AUH: variants seen among roughly 807,000 people sequenced by gnomAD.
AUH encodes AU RNA binding methylglutaconyl-CoA hydratase.
AUH carries 29 observed loss-of-function variants against 42.3 expected under a neutral mutation model. That is an observed-to-expected ratio of 0.69 (90% confidence interval 0.51 to 0.93). AUH has a LOEUF of 0.93. Ranked by LOEUF, AUH falls within the 40% of genes least tolerant of loss-of-function variation. The pLI is 0.00. For missense variants in AUH, 452 were observed against 438.1 expected, an observed-to-expected ratio of 1.03 and a Z score of -0.28; for synonymous variants, 174 against 166.4, an observed-to-expected ratio of 1.05 and a Z score of -0.35.
intron 4 of AUH, among the ~76,000 whole-genome samples, chr9:91,321,667 C>T (rs1459101312): frequency 6.6e-6 from 1 of 152,140 alleles, no homozygotes; most frequent in African/African-American, 2.4e-5. Flanking sequence ...AAAGAAAAAT[C>T]AGACCCACTG....
At chr9:91,249,292 CAAAAAAAAAAAAAAAA>C (rs59102669) in intron 6 of AUH, among the ~76,000 whole-genome samples, 31 of 32,536 alleles carry the variant, frequency 9.5e-4, no homozygotes, top group East Asian at 2.3e-3. Flanking sequence ...GAACCTGTCT[CAAAAAAAAAAAAAAAA>C]AAAAAAAAAA....
rs770833711 is a variant in AUH, at chr9:91,356,164, A to C, written c.263-9T>G. The C allele has an allele frequency of 1.2e-6, 2 of 1,612,866 alleles. No individual in the cohort carries two copies. Among genetic ancestry groups the C allele is most frequent in the South Asian group, 2.2e-5 (2 of 91,018 alleles). On this transcript the variant is annotated splice_polypyrimidine_tract_variant and intron_variant, in intron 1 of 9. Transcript: ENST00000375731. The stretch of plus-strand genomic sequence containing the variant: ...TCCAAGCACCACAATTCCTAGTTAA[A>C]GGGGAAAAAAAGTACAAGCACTTGA...
intron 1 of AUH, among the ~76,000 whole-genome samples, chr9:91,359,332 T>C (rs1832676921): frequency 6.6e-6 from 1 of 152,248 alleles, no homozygotes; most frequent in South Asian, 2.1e-4. Flanking sequence ...TAATGTAACC[T>C]TCCAGAAAAT....
intron 3 of AUH, among the ~76,000 whole-genome samples, chr9:91,355,478 A>C (rs1421054522): frequency 6.6e-6 from 1 of 152,062 alleles, no homozygotes; most frequent in Non-Finnish European, 1.5e-5. Flanking sequence ...AATCACTTGA[A>C]CTGGGGAGAC....
chr9:91,295,113 G>A (rs891083446), intron 6 of AUH, among the ~76,000 whole-genome samples: 13 of 152,010 alleles, frequency 8.6e-5, no homozygotes, highest in African/African-American at 3.1e-4. Flanking sequence ...TTTTCCCTTG[G>A]CTTTCATTCT....
chr9:91,296,066 T>C lies in AUH; in HGVS notation c.610A>G (p.Lys204Glu), dbSNP rs368508449. Reference sequence around the variant, plus strand: ...AATTTTGTTTCAACCAGGCCCATTTTTGCAGAGGAAGCTAAAACGAAAGAA... The same window carrying C: ...AATTTTGTTTCAACCAGGCCCATTTCTGCAGAGGAAGCTAAAACGAAAGAA... ...CDIRVAASSA[K>E]MGLVETKLAI... Residue 204 changes from lysine (K) to glutamate (E), a missense_variant, in exon 6 of 10, where the codon AAA becomes GAA. Transcript: ENST00000375731. The C allele has an allele frequency of 1.2e-6, 2 of 1,613,964 alleles. No individual in the cohort carries two copies. Among genetic ancestry groups the C allele is most frequent in the African/African-American group, 1.3e-5 (1 of 74,930 alleles).
At chr9:91,338,121 A>G (rs1208051293) in intron 3 of AUH, among the ~76,000 whole-genome samples, 1 of 152,240 alleles carries the variant, frequency 6.6e-6, no homozygotes, top group Non-Finnish European at 1.5e-5. Flanking sequence ...ATTCTGCCAC[A>G]GGATTTCTAT....
At chr9:91,218,381 C>A (rs967329431) in intron 7 of AUH, among the ~76,000 whole-genome samples, 1 of 152,144 alleles carries the variant, frequency 6.6e-6, no homozygotes, top group African/African-American at 2.4e-5. Context: ...ATAATCAATC[C>A]ATTTTATTAA....
intron 6 of AUH, among the ~76,000 whole-genome samples, chr9:91,235,702 T>C (rs1320858125): frequency 6.6e-6 from 1 of 152,246 alleles, no homozygotes; most frequent in African/African-American, 2.4e-5. Context: ...ATAAGTCACC[T>C]GTTCCTGTTC....
intron 5 of AUH, among the ~76,000 whole-genome samples, chr9:91,297,383 C>T (rs1419026281): frequency 6.6e-6 from 1 of 152,122 alleles, no homozygotes; most frequent in African/African-American, 2.4e-5. Flanking sequence ...TCATAAGATC[C>T]TCAGAAAACC....
At position 91,323,149 on chromosome 9, in the gene AUH, C is replaced by T. The variant is rs552603395; in HGVS notation, c.505+2169G>A. ...TTAACAAATGAATACTCTATGAGGG[C>T]CTGAACCAATATGAAAAAATATGAA... On this transcript the variant is annotated intron_variant, in intron 4 of 9. Transcript: ENST00000375731. 3.3e-5 allele frequency among the ~76,000 whole-genome samples: 5 copies of T among 152,140 alleles called. No homozygotes were observed. In the South Asian group the frequency reaches 1.0e-3, roughly 32 times the overall value.
intron 4 of AUH, among the ~76,000 whole-genome samples, chr9:91,319,149 G>A (rs969933877): frequency 6.6e-6 from 1 of 151,966 alleles, no homozygotes; most frequent in Non-Finnish European, 1.5e-5. Context: ...CCACTGTAAA[G>A]AGCACGGCCT....
intron 6 of AUH, among the ~76,000 whole-genome samples, chr9:91,225,787 G>A (rs1474891897): frequency 1.3e-5 from 2 of 150,066 alleles, no homozygotes; most frequent in Non-Finnish European, 2.9e-5. Flanking sequence ...CCACCTATGA[G>A]TGAGAATATG....
chr9:91,217,317 G>T lies in AUH; in HGVS notation c.854C>A (p.Ala285Glu). Residue 285 changes from alanine to glutamate, a missense_variant, in exon 8 of 10, where the codon GCA (alanine) becomes GAA (glutamate). Physicochemically the swap from Ala to Glu is moderately radical, Grantham distance 107. Coordinates refer to ENST00000375731, the MANE Select transcript of AUH (RefSeq NM_001698.3). ...AATTGCTAATTTTGCCACTCTCATT[G>T]CAACAGGTCCCTAAAATTCAAATTA... The part of the protein sequence containing the change: ...AREFLPQGPV[A>E]MRVAKLAINQ... 5.6e-6 allele frequency: 9 copies of T among 1,613,588 alleles called. No individual in the cohort carries two copies. The highest frequency in any genetic ancestry group is 7.6e-6 in the Non-Finnish European group (9 of 1,179,678).
At chr9:91,334,325 G>C (rs571265229) in intron 3 of AUH, among the ~76,000 whole-genome samples, 3 of 152,132 alleles carry the variant, frequency 2.0e-5, no homozygotes, top group Non-Finnish European at 2.9e-5. Flanking sequence ...TTGAATTCGT[G>C]AACTGCAAAG....
In AUH at chr9:91,237,723, T is replaced by C. The variant is rs1035769660; in HGVS notation, c.656-16731A>G. 2.6e-5 allele frequency among the ~76,000 whole-genome samples: 4 copies of C among 152,232 alleles called. No homozygotes were observed. In the East Asian group the frequency reaches 7.7e-4, roughly 29 times the overall value. ...TAGTTAGATTGGCTGTGAAGTCCTT[T>C]TGACATGACCAAAATAGTCATCAAT... On this transcript the variant is annotated intron_variant, in intron 6 of 9. Transcript: ENST00000375731.
chr9:91,349,624 G>A lies in AUH; in HGVS notation c.418+6259C>T, dbSNP rs548890776. 4.6e-5 allele frequency among the ~76,000 whole-genome samples: 7 copies of A among 151,582 alleles called. No homozygotes were observed. In the South Asian group the frequency reaches 6.3e-4, roughly 14 times the overall value. ...CATTTTGAAATAGCAGAATTGTTTTGACTTGTGTGTGTGTGTATGTGTGTG... is the reference window on the plus strand; with the variant it reads ...CATTTTGAAATAGCAGAATTGTTTTAACTTGTGTGTGTGTGTATGTGTGTG... On this transcript the variant is annotated intron_variant, in intron 3 of 9. Coordinates refer to ENST00000375731, the MANE Select transcript of AUH (RefSeq NM_001698.3).
chr9:91,249,735 G>A lies in AUH; in HGVS notation c.656-28743C>T, dbSNP rs189567957. On this transcript the variant is annotated intron_variant, in intron 6 of 9. Coordinates refer to ENST00000375731, the MANE Select transcript of AUH (RefSeq NM_001698.3). The stretch of plus-strand genomic sequence containing the variant: ...GTTTTTAAATCAGGGGTTCTGGCCG[G>A]GTGCAGTGGCTCACACCTATAATCC... 5.9e-3 allele frequency among the ~76,000 whole-genome samples: 902 copies of A among 152,080 alleles called. 6 individuals are homozygous for A. The highest frequency in any genetic ancestry group is 9.2e-3 in the Non-Finnish European group (623 of 67,986).
chr9:91,317,929 T>G (rs1353055682), intron 4 of AUH, among the ~76,000 whole-genome samples: 1 of 152,236 alleles, frequency 6.6e-6, no homozygotes, highest in Admixed American at 6.5e-5. Context: ...AAATTTAATA[T>G]TTTCCAGTGG....
Sources: gnomAD v4.1 joint callset for allele counts (sites outside exome capture counted in the v4.1 genomes callset) on GRCh38, gnomAD v4.1.1 for gene constraint, MANE v1.5 for transcripts, NCBI Gene and HGNC (gene_info 2026-07-23, HGNC 2026-07-21) for gene names.